The following TAF1D variants were observed in gnomAD, a reference collection of about 807,000 sequenced individuals.
TAF1D encodes the protein TATA-box binding protein associated factor, RNA polymerase I subunit D, also known as TATA box-binding protein-associated factor RNA polymerase I subunit D.
A neutral mutation model predicts 26.2 loss-of-function variants in TAF1D; 23 were observed. That is an observed-to-expected ratio of 0.88 (90% CI 0.63 to 1.25). The LOEUF is 1.25. TAF1D is among the 50% of genes most tolerant of loss of function. The pLI, the probability that TAF1D is intolerant of heterozygous loss-of-function variation, is 0.00. For missense variants in TAF1D, 299 were observed against 322.0 expected (o/e 0.93, Z 0.55); for synonymous variants, 100 against 105.6 (o/e 0.95, Z 0.33).
intron 1 of TAF1D, among the ~76,000 whole-genome samples, chr11:93,740,841 C>T (rs1190384151): frequency 1.3e-5 from 2 of 152,128 alleles, no homozygotes; most frequent in Non-Finnish European, 2.9e-5. Context: ...GCTCAATAAT[C>T]ACTTTTTCGA....
intron 2 of TAF1D, 187 bp downstream of exon 2, chr11:93,739,050 T>C (rs1462415312): frequency 8.8e-6 from 5 of 567,848 alleles, no homozygotes; most frequent in East Asian, 5.9e-5. Flanking sequence ...CCATAATATA[T>C]TCACATTTTG....
chr11:93,736,755 T>C lies in TAF1D; in HGVS notation c.636-4A>G. The C allele has an allele frequency of 6.2e-7, 1 of 1,606,602 alleles. No homozygotes were observed. The highest frequency in any genetic ancestry group is 1.7e-5 in the Admixed American group (1 of 57,688). On this transcript the variant is annotated splice_region_variant and splice_polypyrimidine_tract_variant and intron_variant, in intron 4 of 5. Coordinates refer to ENST00000448108, the MANE Select transcript of TAF1D (RefSeq NM_024116.4). ...TGTTGCATCCTCATCCTCTGCTCTG[T>C]AATATTAAAATTTATCATCGAGATG...
rs548621188 is a variant in TAF1D, at chr11:93,741,374, G to T, written c.-80C>A. On this transcript the variant is annotated 5_prime_UTR_variant, in exon 1 of 6. Coordinates refer to ENST00000448108, the MANE Select transcript of TAF1D (RefSeq NM_024116.4). ...CGCGCACTTGCTGCTTGTAACCCAG[G>T]CCTCGGCCCAAAACCCGCGACTGGC... 35 of 442,318 alleles carry T rather than the reference G, an allele frequency of 7.9e-5. 1 individual carries two copies. The highest frequency in any genetic ancestry group is 5.3e-4 in the South Asian group (34 of 63,626). 27.4% of individuals were successfully genotyped at this position (442,318 alleles called of 1,614,324 possible). A position where few individuals can be genotyped will look rare whatever the true frequency, so the allele number is the denominator to read the frequency against.
chr11:93,734,472 G>A, downstream of TAF1D: 1 of 362,934 alleles, frequency 2.8e-6, no homozygotes, highest in Non-Finnish European at 5.4e-6. Flanking sequence ...ACTATAAAAT[G>A]TGTGAATCTA....
chr11:93,732,621 T>C (rs78121661), downstream of TAF1D: 853 of 349,162 alleles, frequency 2.4e-3, 7 homozygotes, highest in African/African-American at 0.016. Flanking sequence ...TAATTGTCAC[T>C]GTAATAAGGA....
chr11:93,739,172 GTCAC>G (rs1941319817), intron 2 of TAF1D, 61 bp downstream of exon 2: 1 of 1,270,772 alleles, frequency 7.9e-7, no homozygotes, highest in East Asian at 2.4e-5. Context: ...TATCTTTACT[GTCAC>G]TCATTATATA....
At position 93,736,201 on chromosome 11, in the gene TAF1D, G is replaced by C; in HGVS notation, c.797C>G (p.Thr266Arg). 1 of 1,606,800 alleles carries C rather than the reference G, an allele frequency of 6.2e-7. No individual in the cohort carries two copies. The highest frequency in any genetic ancestry group is 2.3e-5 in the East Asian group (1 of 44,252). The change falls in exon 6 of 6, where the codon ACA (threonine) becomes AGA (arginine). Residue 266 changes from threonine (T) to arginine (R), a missense_variant. Physicochemically the swap from Thr to Arg is moderately conservative, Grantham distance 71. Coordinates refer to ENST00000448108, the MANE Select transcript of TAF1D (RefSeq NM_024116.4). ...EEAALSKKRA[T>R]KAKNTGQRGL... ...TCTCTGTCCAGTATTTTTGGCTTTT[G>C]TAGCTCTCTTTTTAGACAAAGCAGC...
chr11:93,733,078 TTTAC>T, downstream of TAF1D: 1 of 345,626 alleles, frequency 2.9e-6, no homozygotes, highest in Non-Finnish European at 5.7e-6. Context: ...AGTTAAATAT[TTTAC>T]TTACCTCTCA....
intron 1 of TAF1D, among the ~76,000 whole-genome samples, chr11:93,739,863 AT>A (rs1031732639): frequency 7.9e-4 from 113 of 142,832 alleles, no homozygotes; most frequent in African/African-American, 2.8e-3. Flanking sequence ...CTTTGCCATT[AT>A]TGGTGGAAAC....
At chr11:93,734,652 G>C (rs1940281862), downstream of TAF1D, 1 of 1,079,684 alleles carries the variant, frequency 9.3e-7, no homozygotes, top group Non-Finnish European at 1.3e-6. Flanking sequence ...ATGTTCTCAA[G>C]ATAAAAGCCT....
chr11:93,732,732 ACAGAT>A (rs1433428235), downstream of TAF1D: 7 of 234,106 alleles, frequency 3.0e-5, no homozygotes, highest in African/African-American at 1.6e-4. Flanking sequence ...ATGTAACTTA[ACAGAT>A]CAGACAACAA....
intron 3 of TAF1D, 101 bp downstream of exon 3, chr11:93,738,008 C>T: frequency 1.5e-6 from 2 of 1,362,626 alleles, no homozygotes; most frequent in South Asian, 3.2e-5. Flanking sequence ...AAATTGCAGA[C>T]AGTCTGTTCC....
At chr11:93,734,990 C>A, downstream of TAF1D, 1 of 1,194,308 alleles carries the variant, frequency 8.4e-7, no homozygotes, top group Non-Finnish European at 1.1e-6. Context: ...TCTTGAACTC[C>A]TGGTTTCAAG....
chr11:93,734,378 G>T, downstream of TAF1D: 1 of 273,100 alleles, frequency 3.7e-6, no homozygotes, highest in Non-Finnish European at 7.3e-6. Context: ...GCTTCAAGTA[G>T]GAAATCCAAA....
chr11:93,734,877 TC>T, downstream of TAF1D: 2 of 803,022 alleles, frequency 2.5e-6, no homozygotes, highest in Non-Finnish European at 3.4e-6. Context: ...TGCCTCAGCC[TC>T]CCCCCTTTCT....
rs764480333 is a variant in TAF1D at position 93,738,306 on chromosome 11, T to A, written c.262A>T (p.Lys88Ter). The change falls in exon 3 of 6, where the codon AAA becomes TAA. Residue 88 changes from lysine (K) to a stop codon, truncating the protein, a stop_gained. Transcript: ENST00000448108. LOFTEE classifies it high-confidence loss of function. ...TTTTTCTTTTTTTTATATCTCTTTT[T>A]CCTGTTCTTGAATCTTTCAAAAATA... ...KAIFERFKNRKKRYKKKKKRR... is the reference protein window; with the variant it reads ...KAIFERFKNR The A allele has an allele frequency of 4.3e-6, 7 of 1,609,618 alleles. No individual in the cohort carries two copies. The South Asian group carries it at 7.8e-5, about 18-fold the overall frequency.
downstream of TAF1D, chr11:93,730,570 T>C (rs751016254): frequency 1.1e-5 from 7 of 618,568 alleles, no homozygotes; most frequent in South Asian, 4.1e-5. Flanking sequence ...TGGCTTCCTA[T>C]AGAGAACTTC....
At position 93,735,809 on chromosome 11, in the gene TAF1D, T is replaced by C. The variant is rs1047479910; in HGVS notation, c.*352A>G. ...ATTTCAAATCCCCTCTTCAAGATGG[T>C]TGGGTGTCAAGTTACTTTAAGATTT... On this transcript the variant is annotated 3_prime_UTR_variant, in exon 6 of 6. Transcript: ENST00000448108. 2.3e-5 allele frequency: 24 copies of C among 1,065,554 alleles called. No individual in the cohort carries two copies. The highest frequency in any genetic ancestry group is 5.7e-5 in the South Asian group (2 of 34,932). The allele number at this position is 1,065,554 out of a possible 1,614,324, so 66.0% of individuals were successfully genotyped here.
downstream of TAF1D, chr11:93,731,524 C>T (rs1426008875): frequency 1.9e-6 from 1 of 518,822 alleles, no homozygotes; most frequent in African/African-American, 1.9e-5. Flanking sequence ...AGGCCATTTT[C>T]ATTCAGCCCC....
Sources: gnomAD v4.1 joint callset for allele counts (sites outside exome capture counted in the v4.1 genomes callset) on GRCh38, gnomAD v4.1.1 for gene constraint, MANE v1.5 for transcripts, NCBI Gene and HGNC (gene_info 2026-07-23, HGNC 2026-07-21) for gene names.